Variants in LHX8 observed in about 807,000 individuals in gnomAD.
LHX8 encodes LIM/homeobox protein Lhx8.
In LHX8, 12 loss-of-function variants were observed where a neutral mutation model predicts 40.3. The ratio of observed to expected loss-of-function variants is 0.30; its 90% CI spans 0.19 to 0.48. The LOEUF (loss-of-function observed/expected upper bound fraction) is 0.48, where lower values mean the gene tolerates loss of function less well. Ranked by LOEUF, LHX8 falls within the 20% of genes least tolerant of loss-of-function variation. The pLI is 0.99. For missense variants in LHX8, 344 were observed against 433.7 expected, an observed-to-expected ratio of 0.79 and a Z score of 1.84; for synonymous variants, 179 against 162.0, an observed-to-expected ratio of 1.10 and a Z score of -0.80.
chr1:75,136,664 G>A lies in LHX8; in HGVS notation c.50G>A (p.Arg17His). The change falls in exon 2 of 9, where the codon CGC becomes CAC. Residue 17 changes from arginine (R) to histidine (H), a missense_variant. By Grantham distance (29) the Arg-to-His change is conservative (BLOSUM62 0). This residue lies in a region of LHX8 where 108 missense variants were observed against 90.1 expected (regional missense o/e 1.20). Coordinates refer to ENST00000356261, the MANE Select transcript of LHX8 (RefSeq NM_001256114.2). ...ACAGCCCTGGCGGCCGGGAGGACTC[G>A]CAAAGGCGCCGGGGAAGAGGGACTG... ...RTTALAAGRT[R>H]KGAGEEGLVS... 6.5e-7 allele frequency: 1 copy of A among 1,547,902 alleles called. No individual in the cohort carries two copies. Among genetic ancestry groups the A allele is most frequent in the Non-Finnish European group, 8.7e-7 (1 of 1,146,678 alleles).
the LHX8 span, among the ~76,000 whole-genome samples, chr1:75,166,883 T>A: frequency 6.6e-6 from 1 of 152,140 alleles, no homozygotes; most frequent in Admixed American, 6.5e-5. Context: ...TAGGATAGAA[T>A]GAGGGCGATG....
At position 75,135,974 on chromosome 1, in the gene LHX8, T is replaced by C. The variant is rs1202161587; in HGVS notation, c.-12-629T>C. On this transcript the variant is annotated intron_variant, in intron 1 of 8. Coordinates refer to ENST00000356261, the MANE Select transcript of LHX8 (RefSeq NM_001256114.2). ...AAAGAGCTGCTGGCTCGGTTTAATCTGAAGCATTTTCATTCAAATTGTCAT... is the reference window on the plus strand; with the variant it reads ...AAAGAGCTGCTGGCTCGGTTTAATCCGAAGCATTTTCATTCAAATTGTCAT... Among the ~76,000 whole-genome samples, 6 of 152,208 alleles carry C rather than the reference T, an allele frequency of 3.9e-5. No homozygotes were observed. In the East Asian group the frequency reaches 9.6e-4, roughly 24 times the overall value.
At chr1:75,154,088 C>A (rs1648688019) in intron 7 of LHX8, among the ~76,000 whole-genome samples, 1 of 152,142 alleles carries the variant, frequency 6.6e-6, no homozygotes. Context: ...AGTAGTTACT[C>A]AGAAAATGTT....
the LHX8 span, among the ~76,000 whole-genome samples, chr1:75,184,229 A>G: frequency 2.0e-5 from 3 of 152,172 alleles, no homozygotes; most frequent in South Asian, 6.2e-4. Flanking sequence ...AAAATTAGCA[A>G]TGATACTCAG....
At chr1:75,162,035 AAAG>A (rs747186411), downstream of LHX8, among the ~76,000 whole-genome samples, 1 of 152,140 alleles carries the variant, frequency 6.6e-6, no homozygotes, top group Non-Finnish European at 1.5e-5. Context: ...GGGGAAGAAA[AAAG>A]GTAATGAGAA....
chr1:75,150,837 T>C lies in LHX8; in HGVS notation c.780+2155T>C, dbSNP rs187098203. Reference sequence around the variant, plus strand: ...GATTACAGGTGCAAGCCACCATGCCTAGCTAATTTTTGTATTTTTAGTAGA... The same window carrying C: ...GATTACAGGTGCAAGCCACCATGCCCAGCTAATTTTTGTATTTTTAGTAGA... On this transcript the variant is annotated intron_variant, in intron 7 of 8. Transcript: ENST00000356261. 8.6e-5 allele frequency among the ~76,000 whole-genome samples: 13 copies of C among 151,994 alleles called. No individual in the cohort carries two copies. The East Asian group carries it at 2.5e-3, about 30-fold the overall frequency.
At chr1:75,148,826 G>C in intron 7 of LHX8, 144 bp downstream of exon 7, 1 of 651,802 alleles carries the variant, frequency 1.5e-6, no homozygotes, top group Non-Finnish European at 2.7e-6. Context: ...TACAGGATGA[G>C]CCACTGTACC....
chr1:75,179,617 T>A, the LHX8 span, among the ~76,000 whole-genome samples: 1 of 150,074 alleles, frequency 6.7e-6, no homozygotes, highest in Non-Finnish European at 1.5e-5. Flanking sequence ...AATACAGCAC[T>A]CTTGATGGGT....
At chr1:75,143,062 A>G (rs1648359894) in intron 4 of LHX8, 56 bp from the exon 5 acceptor site, 2 of 1,335,388 alleles carry the variant, frequency 1.5e-6, no homozygotes, top group East Asian at 4.6e-5. Flanking sequence ...TATTCGACTG[A>G]TGAATATCTC....
chr1:75,174,466 C>T, the LHX8 span, among the ~76,000 whole-genome samples: 1 of 152,148 alleles, frequency 6.6e-6, no homozygotes, highest in African/African-American at 2.4e-5. Context: ...TGCTGGGGTC[C>T]ATAGCTTCTC....
At position 75,158,709 on chromosome 1, in the gene LHX8, CTATT is replaced by C. The variant is rs1051981954; in HGVS notation, c.964+1639_964+1642del. On this transcript the variant is annotated intron_variant, in intron 8 of 8. Coordinates refer to ENST00000356261, the MANE Select transcript of LHX8 (RefSeq NM_001256114.2). ...GTACCTTCTGTTCTATTTTATTGGT[CTATT>C]TATTTTTGTGTTGCTACTTAATCAT... 3.3e-5 allele frequency among the ~76,000 whole-genome samples: 5 copies of C among 152,114 alleles called. No homozygotes were observed. In the South Asian group the frequency reaches 6.2e-4, roughly 19 times the overall value.
downstream of LHX8, among the ~76,000 whole-genome samples, chr1:75,164,127 T>G (rs1392350445): frequency 6.6e-6 from 1 of 152,240 alleles, no homozygotes; most frequent in Non-Finnish European, 1.5e-5. Context: ...ATTAGATAAA[T>G]AGGTTGTATC....
At chr1:75,196,727 G>A in the LHX8 span, among the ~76,000 whole-genome samples, 1 of 152,086 alleles carries the variant, frequency 6.6e-6, no homozygotes, top group African/African-American at 2.4e-5. Flanking sequence ...ATTGTTTTTT[G>A]TATTTCTTGA....
At chr1:75,151,764 T>C (rs1648619494) in intron 7 of LHX8, among the ~76,000 whole-genome samples, 2 of 152,236 alleles carry the variant, frequency 1.3e-5, no homozygotes, top group Non-Finnish European at 2.9e-5. Flanking sequence ...GTCAGATGCA[T>C]GACTTATATC....
chr1:75,188,422 A>G, the LHX8 span, among the ~76,000 whole-genome samples: 2 of 152,184 alleles, frequency 1.3e-5, no homozygotes, highest in African/African-American at 4.8e-5. Flanking sequence ...GCCTTCAGGA[A>G]CTTACAGGTC....
At chr1:75,138,330 G>A (rs1017609312) in intron 3 of LHX8, among the ~76,000 whole-genome samples, 2 of 152,122 alleles carry the variant, frequency 1.3e-5, no homozygotes, top group Admixed American at 6.6e-5. Context: ...TTCAAAATTC[G>A]TGTTAGTGGG....
chr1:75,138,357 C>G (rs1441158839), intron 3 of LHX8, among the ~76,000 whole-genome samples: 1 of 152,120 alleles, frequency 6.6e-6, no homozygotes, highest in Non-Finnish European at 1.5e-5. Flanking sequence ...TAAGTTTCTA[C>G]CTCAACATAC....
the LHX8 span, among the ~76,000 whole-genome samples, chr1:75,196,035 T>C: frequency 6.6e-6 from 1 of 152,168 alleles, no homozygotes; most frequent in East Asian, 1.9e-4. Context: ...ATAACAGCAG[T>C]TGTAATGACT....
the LHX8 span, among the ~76,000 whole-genome samples, chr1:75,196,762 C>T: frequency 1.3e-5 from 2 of 152,150 alleles, no homozygotes; most frequent in Non-Finnish European, 2.9e-5. Flanking sequence ...GAGAGTTACT[C>T]ATGTGCTCTG....
Sources: gnomAD v4.1 joint callset for allele counts (sites outside exome capture counted in the v4.1 genomes callset) on GRCh38, gnomAD v4.1.1 for gene constraint, gnomAD v4.1.1 regional missense constraint, MANE v1.5 for transcripts, NCBI Gene and HGNC (gene_info 2026-07-23, HGNC 2026-07-21) for gene names.